Variants in BTG4 observed in about 807,000 individuals in gnomAD.
BTG4 encodes protein BTG4.
BTG4 carries 10 observed loss-of-function variants against 19.3 expected under a neutral mutation model. The observed-to-expected ratio is 0.52, with a 90% CI of 0.32 to 0.88. The LOEUF (loss-of-function observed/expected upper bound fraction) is 0.88. Among genes scored for constraint, BTG4 ranks in the 40% least tolerant of loss-of-function variants. BTG4 has a pLI of 0.04. For synonymous variants in BTG4, 91 were observed against 95.7 expected, an observed-to-expected ratio of 0.95 and a Z score of 0.29; for missense variants, 238 against 281.9, an observed-to-expected ratio of 0.84 and a Z score of 1.11.
chr11:111,504,024 G>A (rs953131868), intron 1 of BTG4, among the ~76,000 whole-genome samples: 2 of 152,068 alleles, frequency 1.3e-5, no homozygotes, highest in Non-Finnish European at 2.9e-5. Context: ...GACTTGTGAT[G>A]TAATAACCAG....
At chr11:111,387,695 G>A in the BTG4 span, among the ~76,000 whole-genome samples, 1 of 152,182 alleles carries the variant, frequency 6.6e-6, no homozygotes, top group Non-Finnish European at 1.5e-5. Context: ...GGACCAGGTA[G>A]CTTTAATTAT....
At chr11:111,512,513 G>C (rs1013607360), upstream of BTG4, among the ~76,000 whole-genome samples, 2 of 152,052 alleles carry the variant, frequency 1.3e-5, no homozygotes, top group Non-Finnish European at 2.9e-5. Flanking sequence ...CGGGGCGCAC[G>C]GGGTCGAGAG....
the BTG4 span, chr11:111,453,702 G>C: frequency 3.4e-5 from 12 of 356,078 alleles, no homozygotes. Context: ...TTCATCCACT[G>C]ATTTGCTCAA....
chr11:111,489,140 T>C (rs1486662357), intron 5 of BTG4, among the ~76,000 whole-genome samples: 2 of 135,044 alleles, frequency 1.5e-5, no homozygotes, highest in Non-Finnish European at 3.4e-5. Context: ...TGAAACTCCA[T>C]CTCAAAAAAA....
At chr11:111,450,797 A>AC in the BTG4 span, 1 of 152,470 alleles carries the variant, frequency 6.6e-6, no homozygotes, top group East Asian at 1.9e-4. Context: ...GAGCTACTAC[A>AC]CTCCCTAGGC....
At chr11:111,468,913 G>T (rs1279044539) in intron 5 of BTG4, among the ~76,000 whole-genome samples, 3 of 152,148 alleles carry the variant, frequency 2.0e-5, no homozygotes, top group Non-Finnish European at 4.4e-5. Context: ...AGTGATTGGA[G>T]GATATTGACA....
At chr11:111,423,674 T>C in the BTG4 span, among the ~76,000 whole-genome samples, 7 of 152,202 alleles carry the variant, frequency 4.6e-5, no homozygotes, top group Admixed American at 3.3e-4. Flanking sequence ...TGCTTGGTTC[T>C]CAAAGTATAT....
chr11:111,447,734 G>A, the BTG4 span, among the ~76,000 whole-genome samples: 3 of 152,314 alleles, frequency 2.0e-5, no homozygotes, highest in South Asian at 6.2e-4. Context: ...CACTTAAGTT[G>A]TCTGGGCCAA....
chr11:111,505,516 A>G (rs1341634317), intron 1 of BTG4, among the ~76,000 whole-genome samples: 1 of 152,118 alleles, frequency 6.6e-6, no homozygotes, highest in Admixed American at 6.6e-5. Context: ...CAAAACTGAA[A>G]CTATAAAAAT....
chr11:111,454,030 G>A, the BTG4 span, among the ~76,000 whole-genome samples: 2 of 152,172 alleles, frequency 1.3e-5, no homozygotes, highest in African/African-American at 4.8e-5. Flanking sequence ...TTCTGCTTCA[G>A]TAGGTCTTGG....
At chr11:111,396,349 T>C in the BTG4 span, among the ~76,000 whole-genome samples, 2 of 152,264 alleles carry the variant, frequency 1.3e-5, no homozygotes, top group South Asian at 4.2e-4. Flanking sequence ...GCACTCCCTG[T>C]CCCCTCTGCC....
downstream of BTG4, chr11:111,494,783 G>C (rs1156755947): frequency 2.7e-6 from 2 of 740,322 alleles, no homozygotes; most frequent in Non-Finnish European, 3.3e-6. Flanking sequence ...ACTTTTAAAA[G>C]TTTGTTTCTT....
chr11:111,409,346 G>C, the BTG4 span, among the ~76,000 whole-genome samples: 3 of 152,164 alleles, frequency 2.0e-5, no homozygotes, highest in Non-Finnish European at 4.4e-5. Flanking sequence ...GAGTCATAGG[G>C]GGATCGCTTG....
chr11:111,384,629 A>T, the BTG4 span: 1 of 152,180 alleles, frequency 6.6e-6, no homozygotes, highest in Non-Finnish European at 1.5e-5. Flanking sequence ...GCTAATGAAG[A>T]TGTCTTCAGA....
the BTG4 span, among the ~76,000 whole-genome samples, chr11:111,411,341 C>T: frequency 6.6e-6 from 1 of 152,294 alleles, no homozygotes; most frequent in South Asian, 2.1e-4. Context: ...CTTGAACAGG[C>T]CAACCATGGT....
the BTG4 span, among the ~76,000 whole-genome samples, chr11:111,434,766 T>C: frequency 6.6e-5 from 10 of 151,446 alleles, no homozygotes; most frequent in African/African-American, 2.4e-4. Context: ...AATCCAAGTT[T>C]CCTGGCAATC....
chr11:111,501,267 G>A (rs773558079), intron 1 of BTG4, among the ~76,000 whole-genome samples: 5 of 152,104 alleles, frequency 3.3e-5, no homozygotes, highest in Non-Finnish European at 4.4e-5. Flanking sequence ...GAAAGGCTGA[G>A]GTGGGAAGAT....
the BTG4 span, among the ~76,000 whole-genome samples, chr11:111,425,878 A>C: frequency 8.9e-4 from 135 of 152,234 alleles, no homozygotes; most frequent in African/African-American, 2.9e-3. Flanking sequence ...CAAAAAATTT[A>C]AAAATAGCTG....
At chr11:111,460,718 G>A in the BTG4 span, among the ~76,000 whole-genome samples, 4 of 152,192 alleles carry the variant, frequency 2.6e-5, no homozygotes, top group Admixed American at 2.6e-4. Context: ...AAGCCACGGG[G>A]AGCTGCTGAA....
Sources: gnomAD v4.1 joint callset for allele counts (sites outside exome capture counted in the v4.1 genomes callset) on GRCh38, gnomAD v4.1.1 for gene constraint, MANE v1.5 for transcripts, NCBI Gene and HGNC (gene_info 2026-07-23, HGNC 2026-07-21) for gene names.